HS3ST4: variants seen among roughly 807,000 people sequenced by gnomAD.
The protein encoded by HS3ST4 is heparan sulfate-glucosamine 3-sulfotransferase 4.
HS3ST4 carries 17 observed loss-of-function variants against 29.2 expected under a neutral mutation model. The ratio of observed to expected loss-of-function variants is 0.58; its 90% CI spans 0.40 to 0.87. HS3ST4 has a LOEUF of 0.87. Ranked by LOEUF, HS3ST4 falls within the 40% of genes least tolerant of loss-of-function variation. The pLI is 0.00. For missense variants in HS3ST4, 627 were observed against 634.5 expected (o/e 0.99, Z 0.13); for synonymous variants, 314 against 285.7 (o/e 1.10, Z -1.00).
chr16:25,855,735 G>A (rs1967568356), intron 1 of HS3ST4, among the ~76,000 whole-genome samples: 3 of 152,184 alleles, frequency 2.0e-5, no homozygotes, highest in Admixed American at 1.3e-4. Flanking sequence ...CCAAGGGGCT[G>A]TGTGTGTTTG....
At chr16:25,758,828 C>T (rs745842535) in intron 1 of HS3ST4, among the ~76,000 whole-genome samples, 28 of 151,720 alleles carry the variant, frequency 1.8e-4, no homozygotes, top group Admixed American at 5.3e-4. Flanking sequence ...TGGTGGTGCA[C>T]GCCTGTAATC....
intron 1 of HS3ST4, among the ~76,000 whole-genome samples, chr16:26,017,261 T>C (rs1969371016): frequency 6.6e-6 from 1 of 152,240 alleles, no homozygotes; most frequent in South Asian, 2.1e-4. Context: ...AGGAAACTTC[T>C]GCTAAAGGCT....
intron 1 of HS3ST4, among the ~76,000 whole-genome samples, chr16:25,943,865 T>C (rs1968598597): frequency 6.6e-6 from 1 of 152,174 alleles, no homozygotes; most frequent in Middle Eastern, 3.2e-3. Flanking sequence ...CTTCGTGGCT[T>C]GTTTATCCTT....
At chr16:25,946,968 G>A (rs563608705) in intron 1 of HS3ST4, among the ~76,000 whole-genome samples, 2 of 152,292 alleles carry the variant, frequency 1.3e-5, no homozygotes, top group South Asian at 2.1e-4. Flanking sequence ...ATGTGGTTGG[G>A]GAGCTGAGCA....
intron 1 of HS3ST4, among the ~76,000 whole-genome samples, chr16:26,045,535 C>T (rs1490467230): frequency 6.6e-6 from 1 of 152,156 alleles, no homozygotes; most frequent in Non-Finnish European, 1.5e-5. Flanking sequence ...TGAGCAGGCT[C>T]ACCAGTGTAG....
intron 1 of HS3ST4, among the ~76,000 whole-genome samples, chr16:26,090,799 TG>T (rs1202205376): frequency 1.3e-5 from 2 of 152,130 alleles, no homozygotes; most frequent in Admixed American, 6.5e-5. Context: ...CAGAGAGAGC[TG>T]GATAATTCTC....
rs750876193 is a variant in HS3ST4, at chr16:25,716,601, A to G, written c.734+23450A>G. 3.3e-5 allele frequency among the ~76,000 whole-genome samples: 5 copies of G among 152,356 alleles called. No homozygotes were observed. The East Asian group carries it at 7.7e-4, about 23-fold the overall frequency. On this transcript the variant is annotated intron_variant, in intron 1 of 1. Coordinates refer to ENST00000331351, the MANE Select transcript of HS3ST4 (RefSeq NM_006040.3). ...CATACATTTCTTCATTGTTTAAGCC[A>G]TATCATTTTGGGGTTTCAGTTGCTC...
intron 1 of HS3ST4, among the ~76,000 whole-genome samples, chr16:25,908,343 A>T (rs1016731420): frequency 6.6e-6 from 1 of 152,146 alleles, no homozygotes; most frequent in Admixed American, 6.5e-5. Flanking sequence ...TGCTTAAAAG[A>T]TGTGGTGTTG....
At chr16:26,054,295 A>AGG (rs1353205489) in intron 1 of HS3ST4, among the ~76,000 whole-genome samples, 1 of 148,676 alleles carries the variant, frequency 6.7e-6, no homozygotes, top group Non-Finnish European at 1.5e-5. Flanking sequence ...AGAGAGAGAG[A>AGG]GAGAAGGAGG....
intron 1 of HS3ST4, among the ~76,000 whole-genome samples, chr16:25,862,275 C>T (rs1967646025): frequency 6.6e-6 from 1 of 152,094 alleles, no homozygotes; most frequent in African/African-American, 2.4e-5. Flanking sequence ...TCACTGCATC[C>T]TCCACCTCTC....
intron 1 of HS3ST4, among the ~76,000 whole-genome samples, chr16:25,734,089 C>G (rs1240954897): frequency 6.6e-6 from 1 of 152,164 alleles, no homozygotes; most frequent in Non-Finnish European, 1.5e-5. Flanking sequence ...TGCACTCCAG[C>G]CTGGGTGACA....
intron 1 of HS3ST4, among the ~76,000 whole-genome samples, chr16:25,792,887 TA>T (rs1567240953): frequency 6.6e-6 from 1 of 152,038 alleles, no homozygotes; most frequent in South Asian, 2.1e-4. Context: ...CAATTGTTTT[TA>T]ACTTCTTTTC....
rs112844030 is a variant in HS3ST4 at position 25,874,177 on chromosome 16, A to G, written c.734+181026A>G. 6.0e-3 allele frequency among the ~76,000 whole-genome samples: 915 copies of G among 152,290 alleles called. 11 individuals are homozygous for G. The highest frequency in any genetic ancestry group is 0.021 in the African/African-American group (868 of 41,556). On this transcript the variant is annotated intron_variant, in intron 1 of 1. Transcript: ENST00000331351. ...TACCCCTAGTACAAAGTCTGCATAA[A>G]GAACACATTTTGTAAATATTTGTTG...
At chr16:26,030,505 A>G (rs1475026614) in intron 1 of HS3ST4, among the ~76,000 whole-genome samples, 3 of 152,270 alleles carry the variant, frequency 2.0e-5, no homozygotes, top group Non-Finnish European at 4.4e-5. Flanking sequence ...TGGCTGGTGC[A>G]TAGTAGGCAG....
chr16:26,065,712 G>C lies in HS3ST4; in HGVS notation c.735-69900G>C, dbSNP rs141614905. Among the ~76,000 whole-genome samples the C allele has an allele frequency of 4.4e-3, 671 of 152,304 alleles. 5 individuals carry two copies. The highest frequency in any genetic ancestry group is 0.016 in the African/African-American group (649 of 41,574). ...ACTACACCACAAAGTAAGAGATAAA[G>C]AGGGAGAGGAGGCAAAATGATGTGC... On this transcript the variant is annotated intron_variant, in intron 1 of 1. Transcript: ENST00000331351.
At chr16:25,801,264 C>G (rs1016549957) in intron 1 of HS3ST4, among the ~76,000 whole-genome samples, 18 of 152,150 alleles carry the variant, frequency 1.2e-4, no homozygotes, top group African/African-American at 4.3e-4. Flanking sequence ...CTGACCTATG[C>G]TGGTATGCAA....
intron 1 of HS3ST4, among the ~76,000 whole-genome samples, chr16:25,914,642 T>C (rs1259534880): frequency 1.3e-5 from 2 of 151,110 alleles, no homozygotes; most frequent in Non-Finnish European, 2.9e-5. Context: ...TGTGTGTGTG[T>C]GTGCACGTGT....
At chr16:25,828,180 TTCTC>T (rs1195678797) in intron 1 of HS3ST4, among the ~76,000 whole-genome samples, 1 of 142,884 alleles carries the variant, frequency 7.0e-6, no homozygotes, top group East Asian at 2.3e-4. Flanking sequence ...CTCTCTCTCT[TTCTC>T]TTTCTTTCTT....
At chr16:25,878,985 C>A (rs960033217) in intron 1 of HS3ST4, among the ~76,000 whole-genome samples, 1 of 152,088 alleles carries the variant, frequency 6.6e-6, no homozygotes, top group Non-Finnish European at 1.5e-5. Context: ...GTTTCCTATG[C>A]CTCTTTCTCA....
Sources: gnomAD v4.1 joint callset for allele counts (sites outside exome capture counted in the v4.1 genomes callset) on GRCh38, gnomAD v4.1.1 for gene constraint, MANE v1.5 for transcripts, NCBI Gene and HGNC (gene_info 2026-07-23, HGNC 2026-07-21) for gene names.